Variants in BTBD7 observed in about 807,000 individuals in gnomAD.
The protein encoded by BTBD7 is BTB/POZ domain-containing protein 7.
Under a neutral mutation model 99.9 loss-of-function variants are expected in BTBD7, and 38 were observed. The ratio of observed to expected loss-of-function variants is 0.38; its 90% confidence interval spans 0.29 to 0.50. The LOEUF (loss-of-function observed/expected upper bound fraction) is 0.50, where lower values mean the gene tolerates loss of function less well. Among genes scored for constraint, BTBD7 ranks in the 20% least tolerant of loss-of-function variants. The pLI is 0.93. For missense variants in BTBD7, 1,170 were observed against 1,394.6 expected (o/e 0.84, Z 2.57); for synonymous variants, 520 against 511.4 (o/e 1.02, Z -0.23).
chr14:93,296,072 T>G lies in BTBD7; in HGVS notation c.-21A>C. ...CCCATTTTCTTCAGTCACTCAGGCA[T>G]TCCGTCTGCGGGTTCTTCAGAGTAT... is the stretch of plus-strand genomic sequence containing the variant. On this transcript the variant is annotated 5_prime_UTR_variant, in exon 2 of 11. An upstream start codon of the reference 5' UTR is lost. Coordinates refer to ENST00000334746, the MANE Select transcript of BTBD7 (RefSeq NM_001002860.4). 4.3e-6 allele frequency: 7 copies of G among 1,612,262 alleles called. No individual in the cohort carries two copies. The South Asian group carries it at 4.4e-5, about 10-fold the overall frequency.
At chr14:93,305,274 A>G (rs1339189273) in intron 1 of BTBD7, among the ~76,000 whole-genome samples, 1 of 152,210 alleles carries the variant, frequency 6.6e-6, no homozygotes, top group Non-Finnish European at 1.5e-5. Context: ...GCCCATCAGA[A>G]TATTTGCTAT....
At chr14:93,322,146 C>T (rs1299640017) in intron 1 of BTBD7, among the ~76,000 whole-genome samples, 2 of 152,218 alleles carry the variant, frequency 1.3e-5, no homozygotes, top group African/African-American at 4.8e-5. Context: ...GGGTCTCATT[C>T]TGTCAACCAG....
intron 5 of BTBD7, among the ~76,000 whole-genome samples, chr14:93,260,335 A>G (rs968463348): frequency 3.9e-5 from 6 of 152,200 alleles, no homozygotes; most frequent in African/African-American, 1.4e-4. Flanking sequence ...AAAAATTTTA[A>G]ATTTAGATTC....
chr14:93,259,410 T>TA lies in BTBD7; in HGVS notation c.1448-2056dup, dbSNP rs2052464736. Among the ~76,000 whole-genome samples, 3 of 152,092 alleles carry TA rather than the reference T, an allele frequency of 2.0e-5. No individual in the cohort carries two copies. The South Asian group carries it at 6.2e-4, about 32-fold the overall frequency. On this transcript the variant is annotated intron_variant, in intron 5 of 10. Transcript: ENST00000334746. ...GTGAGATCACGAAAACATAAAAATG[T>TA]AAAAAATGTGGCACTTGGTAAGGAG...
At chr14:93,262,192 G>A (rs1228869120) in intron 4 of BTBD7, among the ~76,000 whole-genome samples, 4 of 151,302 alleles carry the variant, frequency 2.6e-5, no homozygotes, top group Non-Finnish European at 5.9e-5. Context: ...GAGTGCAGTG[G>A]TGTGATCTTG....
intron 10 of BTBD7, among the ~76,000 whole-genome samples, chr14:93,245,034 G>A (rs2052288122): frequency 6.6e-6 from 1 of 151,268 alleles, no homozygotes; most frequent in African/African-American, 2.4e-5. Context: ...TAATTCATTT[G>A]TTTATTTGGT....
intron 5 of BTBD7, among the ~76,000 whole-genome samples, chr14:93,260,902 CTCTT>C (rs2052481916): frequency 6.6e-6 from 1 of 151,622 alleles, no homozygotes; most frequent in Admixed American, 6.6e-5. Flanking sequence ...TTTATTTGTA[CTCTT>C]TTTTTTTTTG....
chr14:93,253,803 T>G lies in BTBD7; in HGVS notation c.1609-13A>C, dbSNP rs1595289280. ...AGCCTCTTTTCATCTAAAAAAAAATTTTTTTTTTAGATAGAAATCTGTGTA... is the reference window on the plus strand; with the variant it reads ...AGCCTCTTTTCATCTAAAAAAAAATGTTTTTTTTAGATAGAAATCTGTGTA... On this transcript the variant is annotated splice_polypyrimidine_tract_variant and intron_variant, in intron 6 of 10. Transcript: ENST00000334746. 2 of 1,544,258 alleles carry G rather than the reference T, an allele frequency of 1.3e-6. No individual in the cohort carries two copies. The highest frequency in any genetic ancestry group is 4.5e-5 in the East Asian group (2 of 44,524).
intron 3 of BTBD7, among the ~76,000 whole-genome samples, chr14:93,276,895 T>A (rs2052662253): frequency 9.8e-5 from 5 of 50,814 alleles, no homozygotes; most frequent in African/African-American, 6.5e-4. Context: ...CAGATTAATT[T>A]TTTTTTTTTT....
intron 1 of BTBD7, among the ~76,000 whole-genome samples, chr14:93,325,352 T>C (rs186313645): frequency 6.6e-6 from 1 of 152,072 alleles, no homozygotes; most frequent in Non-Finnish European, 1.5e-5. Flanking sequence ...TCAGGTGATC[T>C]GCCGACCTCA....
chr14:93,287,064 C>T (rs1316393694), intron 3 of BTBD7, among the ~76,000 whole-genome samples: 1 of 151,868 alleles, frequency 6.6e-6, no homozygotes, highest in East Asian at 1.9e-4. Context: ...CCCGTCTCTA[C>T]TAAAAACACA....
intron 1 of BTBD7, among the ~76,000 whole-genome samples, chr14:93,297,306 A>AT (rs2052941047): frequency 6.6e-6 from 1 of 152,216 alleles, no homozygotes; most frequent in African/African-American, 2.4e-5. Context: ...ACAATCTTTT[A>AT]TAGACTATAT....
chr14:93,242,778 G>A lies in BTBD7; in HGVS notation c.2894C>T (p.Pro965Leu), dbSNP rs753934329. 2 of 1,614,228 alleles carry A rather than the reference G, an allele frequency of 1.2e-6. No individual in the cohort carries two copies. Among genetic ancestry groups the A allele is most frequent in the East Asian group, 4.5e-5 (2 of 44,892 alleles). Reference protein sequence around the residue: ...PSTPALSRRTPSPSQGGYFGP... With the variant: ...PSTPALSRRTLSPSQGGYFGP... ...AAAATATCCACCTTGCGAAGGGGAA[G>A]GGGTGCGTCTGCTGAGAGCAGGAGT... Residue 965 changes from proline to leucine, a missense_variant, in exon 11 of 11, where the codon CCT becomes CTT. Pro to Leu is a moderately conservative substitution (Grantham distance 98). Coordinates refer to ENST00000334746, the MANE Select transcript of BTBD7 (RefSeq NM_001002860.4).
In BTBD7 at chr14:93,264,933, C is replaced by G. The variant is rs1327457615; in HGVS notation, c.1163-940G>C. Among the ~76,000 whole-genome samples the G allele has an allele frequency of 2.6e-5, 4 of 152,108 alleles. No homozygotes were observed. The South Asian group carries it at 6.2e-4, about 24-fold the overall frequency. On this transcript the variant is annotated intron_variant, in intron 3 of 10. Transcript: ENST00000334746. ...TGGCCAACATGGTGAAACCCAGTCT[C>G]TACTAAAAATACAAAAATTAGCTGG...
At chr14:93,252,710 A>C (rs1382013892) in intron 7 of BTBD7, among the ~76,000 whole-genome samples, 1 of 152,086 alleles carries the variant, frequency 6.6e-6, no homozygotes, top group African/African-American at 2.4e-5. Flanking sequence ...ACTTGATTGT[A>C]TACTCATTGA....
intron 5 of BTBD7, among the ~76,000 whole-genome samples, chr14:93,258,075 T>C (rs938689947): frequency 1.3e-5 from 2 of 152,156 alleles, no homozygotes; most frequent in African/African-American, 4.8e-5. Flanking sequence ...TCTTTAATCA[T>C]GGCTTTAATC....
Position 93,261,650 on chromosome 14 carries a change from G to A in BTBD7, c.1399C>T (p.Leu467=). 1 of 1,610,688 alleles carries A rather than the reference G, an allele frequency of 6.2e-7. No individual in the cohort carries two copies. The highest frequency in any genetic ancestry group is 8.5e-7 in the Non-Finnish European group (1 of 1,178,260). ...AACTGATGCTCTCCCCATTTAATCA[G>A]ATATTTAAGGATATCTTGTTCACTT... ...QASEQDILKY[L]IKWGEHQLMK... The change falls in exon 5 of 11, where the codon CTG becomes TTG. Residue 467 remains leucine, a synonymous_variant. Coordinates refer to ENST00000334746, the MANE Select transcript of BTBD7 (RefSeq NM_001002860.4).
rs1329863769 is a variant in BTBD7 at position 93,242,708 on chromosome 14, T to A, written c.2964A>T (p.Leu988Phe). The change falls in exon 11 of 11, where the codon TTA becomes TTT. Residue 988 changes from leucine to phenylalanine, a missense_variant. Transcript: ENST00000334746. ...TCTGACCAGGTAGGTAGGCTGACTT[T>A]AAGCCACTTGGTGATGCCTTATTGT... is the stretch of plus-strand genomic sequence containing the variant. ...YSHNKASPSG[L>F]KSAYLPGQTS... The A allele has an allele frequency of 6.2e-7, 1 of 1,614,210 alleles. No homozygotes were observed.
At chr14:93,328,611 T>TAAAA (rs57161505) in intron 1 of BTBD7, among the ~76,000 whole-genome samples, 3 of 101,870 alleles carry the variant, frequency 2.9e-5, no homozygotes, top group South Asian at 3.4e-4. Context: ...TAAAATTCTT[T>TAAAA]AAAAAAAAAA....
Sources: gnomAD v4.1 joint callset for allele counts (sites outside exome capture counted in the v4.1 genomes callset) on GRCh38, gnomAD v4.1.1 for gene constraint, MANE v1.5 for transcripts, NCBI Gene and HGNC (gene_info 2026-07-23, HGNC 2026-07-21) for gene names.